UBA52: variants seen among roughly 807,000 people sequenced by gnomAD.
UBA52 encodes the protein ubiquitin-ribosomal protein eL40 fusion protein.
In UBA52, 1 loss-of-function variant was observed where a neutral mutation model predicts 15.3. That is an observed-to-expected ratio of 0.07 (90% CI 0.02 to 0.31). UBA52 has a LOEUF of 0.31. Ranked by LOEUF, UBA52 falls within the 10% of genes least tolerant of loss-of-function variation. The pLI, the probability that UBA52 is intolerant of heterozygous loss-of-function variation, is 1.00. For missense variants in UBA52, 87 were observed against 168.0 expected (o/e 0.52, Z 2.66); for synonymous variants, 50 against 58.3 (o/e 0.86, Z 0.65).
chr19:18,573,365 C>T lies in UBA52; in HGVS notation c.65C>T (p.Thr22Ile), dbSNP rs771027045. The change falls in exon 2 of 5, where the codon ACC becomes ATC. Residue 22 changes from threonine (T) to isoleucine (I), a missense_variant. Thr to Ile is a moderately conservative substitution (Grantham distance 89, BLOSUM62 -1). Transcript: ENST00000442744. Reference protein sequence around the residue: ...TITLEVEPSDTIENVKAKIQD... With the variant: ...TITLEVEPSDIIENVKAKIQD... ...ACCCTTGAGGTCGAGCCCAGTGACA[C>T]CATTGAGAATGTCAAAGCCAAAATT... The T allele has an allele frequency of 6.2e-7, 1 of 1,614,152 alleles. No individual in the cohort carries two copies. The highest frequency in any genetic ancestry group is 8.5e-7 in the Non-Finnish European group (1 of 1,180,018).
At chr19:18,567,374 G>A (rs1020904625), upstream of UBA52, 13 of 651,438 alleles carry the variant, frequency 2.0e-5, no homozygotes, top group Non-Finnish European at 3.4e-5. Context: ...GCACTAGGAC[G>A]GGAGTCCGTG....
the UBA52 span, chr19:18,564,876 C>G: frequency 6.2e-7 from 1 of 1,613,644 alleles, no homozygotes; most frequent in Non-Finnish European, 8.5e-7. Flanking sequence ...CAGGCTGGAC[C>G]GCTTTGAGAA....
At chr19:18,568,542 G>T, upstream of UBA52, 1 of 1,613,900 alleles carries the variant, frequency 6.2e-7, no homozygotes, top group Non-Finnish European at 8.5e-7. Context: ...CCTGAGCCCC[G>T]GCTTCGAGGA....
chr19:18,573,264 A>C (rs1262006301), intron 1 of UBA52, 29 bp from the exon 2 acceptor site: 1 of 1,604,444 alleles, frequency 6.2e-7, no homozygotes, highest in African/African-American at 1.3e-5. Context: ...ATTGCTCACC[A>C]GTCTATCCTG....
At chr19:18,573,822 G>C in intron 3 of UBA52, 74 bp downstream of exon 3, 1 of 1,402,440 alleles carries the variant, frequency 7.1e-7, no homozygotes, top group Admixed American at 1.9e-5. Context: ...ATGGCCTCAG[G>C]GGTTGGGGAG....
At chr19:18,570,374 CT>C (rs201749660), upstream of UBA52, among the ~76,000 whole-genome samples, 1 of 151,470 alleles carries the variant, frequency 6.6e-6, no homozygotes, top group African/African-American at 2.4e-5. Context: ...CAAAATAAAA[CT>C]TTTTTTTGTA....
At chr19:18,574,790 T>C in intron 3 of UBA52, 80 bp from the exon 4 acceptor site, 1 of 1,549,188 alleles carries the variant, frequency 6.5e-7, no homozygotes. Context: ...CAGCAGACTA[T>C]AGGCCCTGGA....
At chr19:18,572,538 C>G (rs1235775686) in intron 1 of UBA52, 2 of 152,564 alleles carry the variant, frequency 1.3e-5, no homozygotes, top group Admixed American at 1.3e-4. Flanking sequence ...CCATGTTAGC[C>G]AGGCTCATCT....
chr19:18,569,621 T>A (rs1281261480), upstream of UBA52, among the ~76,000 whole-genome samples: 1 of 151,700 alleles, frequency 6.6e-6, no homozygotes. Flanking sequence ...AGTGTTCCCA[T>A]CCTCATTTCA....
chr19:18,573,737 A>G lies in UBA52; in HGVS notation c.179A>G (p.Asn60Ser), dbSNP rs1269665691. The change falls in exon 3 of 5, where the codon AAC becomes AGC. Residue 60 changes from asparagine to serine, a missense_variant. Transcript: ENST00000442744. ...GATGGCCGCACTCTCTCAGACTACAACATCCAGAAAGGTACCGGGGTTGGG... is the reference window on the plus strand; with the variant it reads ...GATGGCCGCACTCTCTCAGACTACAGCATCCAGAAAGGTACCGGGGTTGGG... ...LEDGRTLSDY[N>S]IQKESTLHLV... 3 of 1,614,060 alleles carry G rather than the reference A, an allele frequency of 1.9e-6. No homozygotes were observed. In the South Asian group the frequency reaches 3.3e-5, roughly 18 times the overall value.
At chr19:18,572,972 A>T (rs1406159980) in intron 1 of UBA52, 5 of 1,181,828 alleles carry the variant, frequency 4.2e-6, no homozygotes. Context: ...TACTTATTCC[A>T]TCAGGAGATA....
the UBA52 span, among the ~76,000 whole-genome samples, chr19:18,566,476 A>T: frequency 6.7e-6 from 1 of 149,976 alleles, no homozygotes; most frequent in Non-Finnish European, 1.5e-5. Context: ...AAAAAGTAAC[A>T]TAGTGCTAGA....
At chr19:18,570,040 A>G (rs1433132341), upstream of UBA52, among the ~76,000 whole-genome samples, 2 of 152,176 alleles carry the variant, frequency 1.3e-5, no homozygotes, top group African/African-American at 2.4e-5. Context: ...CTCAAAAAAG[A>G]AAAGGAAATT....
chr19:18,573,370 G>C lies in UBA52; in HGVS notation c.70G>C (p.Glu24Gln). ...TLEVEPSDTI[E>Q]NVKAKIQDKE... ...TGAGGTCGAGCCCAGTGACACCATTGAGAATGTCAAAGCCAAAATTCAAGA... is the reference window on the plus strand; with the variant it reads ...TGAGGTCGAGCCCAGTGACACCATTCAGAATGTCAAAGCCAAAATTCAAGA... Residue 24 changes from glutamate to glutamine, a missense_variant, in exon 2 of 5, where the codon GAG (glutamate) becomes CAG (glutamine). Transcript: ENST00000442744. 1 of 1,614,136 alleles carries C rather than the reference G, an allele frequency of 6.2e-7. No homozygotes were observed. The highest frequency in any genetic ancestry group is 8.5e-7 in the Non-Finnish European group (1 of 1,180,010).
At chr19:18,573,551 T>C (rs1277676722) in intron 2 of UBA52, 111 bp from the exon 3 acceptor site, 8 of 1,339,266 alleles carry the variant, frequency 6.0e-6, no homozygotes, top group Non-Finnish European at 8.5e-6. Flanking sequence ...TGTTATCTTC[T>C]ACCTCAGTTG....
chr19:18,566,208 T>C, the UBA52 span, among the ~76,000 whole-genome samples: 1 of 151,330 alleles, frequency 6.6e-6, no homozygotes, highest in Non-Finnish European at 1.5e-5. Flanking sequence ...CCCAGCACTT[T>C]GGGAGGCCGA....
intron 2 of UBA52, 108 bp from the exon 3 acceptor site, chr19:18,573,554 C>A: frequency 1.5e-6 from 2 of 1,348,368 alleles, no homozygotes; most frequent in Non-Finnish European, 2.1e-6. Flanking sequence ...TATCTTCTAC[C>A]TCAGTTGGCC....
upstream of UBA52, chr19:18,567,271 G>C (rs1398781423): frequency 1.5e-6 from 2 of 1,317,946 alleles, no homozygotes; most frequent in Non-Finnish European, 2.2e-6. Flanking sequence ...CTGATACTGA[G>C]ACCAGGCTGT....
intron 1 of UBA52, 155 bp from the exon 2 acceptor site, chr19:18,573,138 C>T (rs1975590114): frequency 5.4e-6 from 6 of 1,111,008 alleles, no homozygotes; most frequent in South Asian, 1.5e-5. Flanking sequence ...CTAGCAGGGC[C>T]AGGCTTGGAG....
Sources: allele counts gnomAD v4.1 joint callset (sites outside exome capture counted in the v4.1 genomes callset), GRCh38; gene constraint gnomAD v4.1.1; transcripts MANE v1.5; gene names NCBI Gene and HGNC (gene_info 2026-07-23, HGNC 2026-07-21).